Variants in GBP6 observed in about 807,000 individuals in gnomAD.
GBP6 encodes the protein guanylate binding protein family member 6, also known as guanylate-binding protein 6.
A neutral mutation model predicts 61.5 loss-of-function variants in GBP6; 54 were observed. That is an observed-to-expected ratio of 0.88 (90% CI 0.71 to 1.10). GBP6 has a LOEUF of 1.10. Among genes scored for constraint, GBP6 ranks in the 50% least tolerant of loss-of-function variants. The pLI is 0.00. For synonymous variants in GBP6, 255 were observed against 273.7 expected, an observed-to-expected ratio of 0.93 and a Z score of 0.67; for missense variants, 748 against 752.8, an observed-to-expected ratio of 0.99 and a Z score of 0.07.
rs758780589 is a variant in GBP6 at position 89,368,617 on chromosome 1, G to A, written c.66G>A (p.Leu22=). Residue 22 remains leucine, a synonymous_variant, in exon 2 of 11, where the codon TTG becomes TTA. Transcript: ENST00000370456. ...CLVENNNEQL[L]VNQQAIQILE... ...TGGAAAATAACAATGAGCAGCTATT[G>A]GTGAACCAGCAAGCTATACAGATTC... 3.1e-6 allele frequency: 5 copies of A among 1,614,024 alleles called. No individual in the cohort carries two copies. Among genetic ancestry groups the A allele is most frequent in the Non-Finnish European group, 4.2e-6 (5 of 1,180,014 alleles).
chr1:89,369,715 G>A (rs777428258), intron 3 of GBP6, 42 bp downstream of exon 3: 34 of 1,577,494 alleles, frequency 2.2e-5, no homozygotes, highest in Admixed American at 1.5e-4. Flanking sequence ...TATTCCAGAC[G>A]TGATCCTTGT....
intron 3 of GBP6, among the ~76,000 whole-genome samples, chr1:89,377,248 T>C (rs1389043117): frequency 6.6e-6 from 1 of 152,188 alleles, no homozygotes; most frequent in Admixed American, 6.5e-5. Context: ...CCCTATTCAG[T>C]CTTATCTTCT....
At chr1:89,372,646 C>T (rs868757117) in intron 3 of GBP6, among the ~76,000 whole-genome samples, 4 of 152,206 alleles carry the variant, frequency 2.6e-5, no homozygotes, top group African/African-American at 9.6e-5. Context: ...TTCCTTACAC[C>T]TTATACAAAA....
At position 89,378,150 on chromosome 1, in the gene GBP6, G is replaced by T. The variant is rs149590562; in HGVS notation, c.366G>T (p.Leu122=). The part of the protein sequence containing the change: ...DSWIFALAVL[L]CSTFVYNSMS... ...GGATCTTTGCCCTGGCTGTGCTCCT[G>T]TGCAGCACCTTTGTCTACAACAGCA... The change falls in exon 4 of 11, where the codon CTG becomes CTT. Residue 122 remains leucine (L), a synonymous_variant. Coordinates refer to ENST00000370456, the MANE Select transcript of GBP6 (RefSeq NM_198460.3). The T allele has an allele frequency of 1.9e-6, 3 of 1,612,894 alleles. No individual in the cohort carries two copies. The African/African-American group carries it at 4.0e-5, about 22-fold the overall frequency.
chr1:89,385,224 C>A lies in GBP6; in HGVS notation c.1663-6C>A. 6.2e-7 allele frequency: 1 copy of A among 1,610,662 alleles called. No individual in the cohort carries two copies. Among genetic ancestry groups the A allele is most frequent in the Non-Finnish European group, 8.5e-7 (1 of 1,177,480 alleles). ...AAATTTACTTTCCTTCCTACATTGT[C>A]TTTAGGTCCAAAATGATTGGCTTCA... On this transcript the variant is annotated splice_polypyrimidine_tract_variant and splice_region_variant and intron_variant, in intron 10 of 10. Coordinates refer to ENST00000370456, the MANE Select transcript of GBP6 (RefSeq NM_198460.3).
At position 89,381,972 on chromosome 1, in the gene GBP6, A is replaced by G. The variant is rs116475216; in HGVS notation, c.1150A>G (p.Met384Val). 466 of 1,604,648 alleles carry G rather than the reference A, an allele frequency of 2.9e-4. No individual in the cohort carries two copies. Among genetic ancestry groups the G allele is most frequent in the Non-Finnish European group, 3.6e-4 (427 of 1,173,810 alleles). ...AAATCAGGAATTCCAGAAGAAGTTCATGGTAATTTGCCTTAGTCATTACTG... is the reference window on the plus strand; with the variant it reads ...AAATCAGGAATTCCAGAAGAAGTTCGTGGTAATTTGCCTTAGTCATTACTG... ...DENQEFQKKF[M>V]ETTMNKKGDF... The change falls in exon 7 of 11, where the codon ATG (methionine) becomes GTG (valine). Residue 384 changes from methionine (M) to valine (V), a missense_variant and splice_region_variant. Met to Val is a conservative substitution (Grantham distance 21). Transcript: ENST00000370456.
At position 89,388,091 on chromosome 1, in the gene GBP6, C is replaced by T. The variant is rs1007966188; in HGVS notation, c.*2622C>T. Among the ~76,000 whole-genome samples the T allele has an allele frequency of 5.3e-5, 8 of 152,142 alleles. No individual in the cohort carries two copies. The highest frequency in any genetic ancestry group is 1.9e-4 in the African/African-American group (8 of 41,422). ...TCTGTGCTTTATACAGTGACTCAGACAAACCTATGACCTCACACAAATCTG... is the reference window on the plus strand; with the variant it reads ...TCTGTGCTTTATACAGTGACTCAGATAAACCTATGACCTCACACAAATCTG... On this transcript the variant is annotated 3_prime_UTR_variant, in exon 11 of 11. Coordinates refer to ENST00000370456, the MANE Select transcript of GBP6 (RefSeq NM_198460.3).
At chr1:89,372,825 A>G (rs1422626671) in intron 3 of GBP6, among the ~76,000 whole-genome samples, 1 of 152,224 alleles carries the variant, frequency 6.6e-6, no homozygotes, top group East Asian at 1.9e-4. Flanking sequence ...GGATCTAATT[A>G]AACTAAAGAG....
intron 3 of GBP6, among the ~76,000 whole-genome samples, chr1:89,374,638 T>C (rs959707924): frequency 1.1e-4 from 16 of 152,196 alleles, no homozygotes; most frequent in African/African-American, 3.1e-4. Flanking sequence ...TCAGGTGATA[T>C]CTTATTTTTG....
intron 1 of GBP6, among the ~76,000 whole-genome samples, chr1:89,367,896 T>C (rs572999335): frequency 2.0e-5 from 3 of 152,166 alleles, no homozygotes; most frequent in East Asian, 3.9e-4. Context: ...CTGAGTGGAG[T>C]GGGCAGAACT....
chr1:89,382,496 T>C (rs1259290672), intron 7 of GBP6, among the ~76,000 whole-genome samples, 168 bp from the exon 8 acceptor site: 1 of 152,204 alleles, frequency 6.6e-6, no homozygotes, highest in East Asian at 1.9e-4. Flanking sequence ...TGAAGAGAAT[T>C]TCTAGCATTG....
chr1:89,373,624 T>C (rs1652710588), intron 3 of GBP6, among the ~76,000 whole-genome samples: 2 of 151,952 alleles, frequency 1.3e-5, no homozygotes, highest in Admixed American at 6.6e-5. Context: ...ATGAAAACAC[T>C]TGGACACAGG....
chr1:89,378,679 C>G, intron 5 of GBP6, 66 bp downstream of exon 5: 3 of 1,242,778 alleles, frequency 2.4e-6, no homozygotes, highest in Admixed American at 2.1e-5. Flanking sequence ...CACTGCCCAT[C>G]ATCTCTGGGG....
rs771584497 is a variant in GBP6, at chr1:89,382,903, G to C, written c.1365+27G>C. The stretch of plus-strand genomic sequence containing the variant: ...TAAGGAATAAGGGGAGCATGGGGAA[G>C]TTTATAGGATAGAGTGAATGGAGTC... On this transcript the variant is annotated intron_variant, in intron 8 of 10. Coordinates refer to ENST00000370456, the MANE Select transcript of GBP6 (RefSeq NM_198460.3). The C allele has an allele frequency of 2.0e-6, 3 of 1,511,532 alleles. No homozygotes were observed. In the Admixed American group the frequency reaches 5.0e-5, roughly 25 times the overall value. The allele number at this position is 1,511,532 out of a possible 1,614,324, so 93.6% of individuals were successfully genotyped here.
chr1:89,383,824 A>C (rs559867578), intron 9 of GBP6, 70 bp downstream of exon 9: 37 of 1,188,420 alleles, frequency 3.1e-5, no homozygotes, highest in Non-Finnish European at 4.4e-5. Context: ...ATCTAACAGG[A>C]AAACCTTCCC....
At chr1:89,371,141 G>A (rs1652623972) in intron 3 of GBP6, among the ~76,000 whole-genome samples, 1 of 152,136 alleles carries the variant, frequency 6.6e-6, no homozygotes, top group Admixed American at 6.5e-5. Flanking sequence ...AACGACCTCA[G>A]TGTTCATCTA....
chr1:89,365,603 T>C (rs1652447812), intron 1 of GBP6, among the ~76,000 whole-genome samples: 1 of 152,258 alleles, frequency 6.6e-6, no homozygotes, highest in Non-Finnish European at 1.5e-5. Flanking sequence ...TTTGTTGAAA[T>C]ATATAATCTA....
chr1:89,370,269 T>A (rs953236205), intron 3 of GBP6, among the ~76,000 whole-genome samples: 4 of 152,186 alleles, frequency 2.6e-5, no homozygotes, highest in African/African-American at 9.7e-5. Context: ...AACAGTGCTT[T>A]GATAAGAAAG....
intron 10 of GBP6, 139 bp from the exon 11 acceptor site, chr1:89,385,091 G>A: frequency 1.4e-6 from 1 of 732,408 alleles, no homozygotes; most frequent in Non-Finnish European, 2.2e-6. Context: ...ACAATGTCTA[G>A]GTCCAAATTC....
Sources: gnomAD v4.1 joint callset for allele counts (sites outside exome capture counted in the v4.1 genomes callset) on GRCh38, gnomAD v4.1.1 for gene constraint, MANE v1.5 for transcripts, NCBI Gene and HGNC (gene_info 2026-07-23, HGNC 2026-07-21) for gene names.